TNR: variants seen among roughly 807,000 people sequenced by gnomAD.
The protein encoded by TNR is tenascin-R.
Under a neutral mutation model 150.4 loss-of-function variants are expected in TNR, and 45 were observed. That is an observed-to-expected ratio of 0.30 (90% CI 0.24 to 0.38). The LOEUF is 0.38. TNR is among the 10% of genes least tolerant of loss of function. The probability of loss-of-function intolerance (pLI) is 1.00; values close to 1 mark genes in which losing one functional copy is unlikely to be tolerated. For missense variants in TNR, 1,544 were observed against 1,759.1 expected (o/e 0.88, Z 2.19); for synonymous variants, 687 against 678.4 (o/e 1.01, Z -0.20).
intron 1 of TNR, among the ~76,000 whole-genome samples, chr1:175,632,253 T>G (rs1664349651): frequency 5.3e-5 from 8 of 152,320 alleles, no homozygotes; most frequent in Middle Eastern, 6.8e-3. Flanking sequence ...TTGGCAAATG[T>G]GATTCTTAGA....
chr1:175,694,713 G>A (rs962663002), intron 1 of TNR, among the ~76,000 whole-genome samples: 2 of 152,150 alleles, frequency 1.3e-5, no homozygotes, highest in African/African-American at 4.8e-5. Context: ...ACATTAGAAT[G>A]GGCCCTAATC....
At chr1:175,728,051 T>C (rs934358228) in intron 1 of TNR, among the ~76,000 whole-genome samples, 3 of 152,218 alleles carry the variant, frequency 2.0e-5, no homozygotes, top group African/African-American at 7.2e-5. Flanking sequence ...CAATGTATAG[T>C]TGTTCAGACA....
intron 21 of TNR, among the ~76,000 whole-genome samples, chr1:175,329,549 T>C (rs146159990): frequency 1.8e-4 from 28 of 152,322 alleles, no homozygotes; most frequent in African/African-American, 5.8e-4. Context: ...GGTGTTAGCA[T>C]GACCGCTGAT....
chr1:175,624,775 G>A (rs1295871871), intron 1 of TNR, among the ~76,000 whole-genome samples: 1 of 152,172 alleles, frequency 6.6e-6, no homozygotes, highest in Admixed American at 6.5e-5. Context: ...GGGAATGGTG[G>A]GCTCCTGGGG....
chr1:175,661,057 C>A (rs1194449210), intron 1 of TNR, among the ~76,000 whole-genome samples: 1 of 152,162 alleles, frequency 6.6e-6, no homozygotes, highest in Non-Finnish European at 1.5e-5. Context: ...TTGGGCGGTG[C>A]CCCCAAGTAA....
chr1:175,524,859 A>G (rs1277001001), intron 2 of TNR, among the ~76,000 whole-genome samples: 1 of 152,218 alleles, frequency 6.6e-6, no homozygotes, highest in African/African-American at 2.4e-5. Flanking sequence ...TATGGTCTTA[A>G]TGAAAGCCTT....
intron 1 of TNR, among the ~76,000 whole-genome samples, chr1:175,540,166 A>G (rs1374962686): frequency 6.6e-6 from 1 of 152,194 alleles, no homozygotes; most frequent in East Asian, 1.9e-4. Flanking sequence ...CAATTCCCTC[A>G]TCAACAAGTC....
At chr1:175,335,659 T>C in intron 20 of TNR, 52 bp downstream of exon 20, 1 of 1,546,328 alleles carries the variant, frequency 6.5e-7, no homozygotes, top group African/African-American at 1.4e-5. Flanking sequence ...AGGAGAGAGA[T>C]GGACAAAAAG....
chr1:175,363,603 A>C, intron 13 of TNR, 105 bp downstream of exon 13: 2 of 1,445,788 alleles, frequency 1.4e-6, no homozygotes, highest in Non-Finnish European at 1.9e-6. Context: ...GCCACAGAGA[A>C]GAGGAAAAAC....
At chr1:175,679,383 C>T (rs1204336805) in intron 1 of TNR, among the ~76,000 whole-genome samples, 1 of 152,226 alleles carries the variant, frequency 6.6e-6, no homozygotes, top group Non-Finnish European at 1.5e-5. Flanking sequence ...ACCATATTTA[C>T]TGAACACCTA....
At chr1:175,667,960 G>A (rs4650925) in intron 1 of TNR, among the ~76,000 whole-genome samples, 1,751 of 152,292 alleles carry the variant, frequency 0.011, 35 homozygotes, top group African/African-American at 0.037. Context: ...CCATGGGTTA[G>A]CACTGTTAGC....
rs80297495 is a variant in TNR, at chr1:175,582,454, G to A, written c.-164-54085C>T. ...GTAAAGACAGTTGCACCATCACACA[G>A]AGAAGAGGTAGGACCTTTTCTAGAC... On this transcript the variant is annotated intron_variant, in intron 1 of 22. Transcript: ENST00000367674. 6.6e-5 allele frequency among the ~76,000 whole-genome samples: 10 copies of A among 152,324 alleles called. No homozygotes were observed. In the East Asian group the frequency reaches 1.9e-3, roughly 29 times the overall value.
intron 2 of TNR, among the ~76,000 whole-genome samples, chr1:175,431,919 C>T (rs1163328698): frequency 6.6e-6 from 1 of 151,856 alleles, no homozygotes; most frequent in Non-Finnish European, 1.5e-5. Flanking sequence ...ATATCTCTCT[C>T]TCTCTCTCTC....
At chr1:175,371,928 C>G (rs556783931) in intron 9 of TNR, among the ~76,000 whole-genome samples, 3 of 152,098 alleles carry the variant, frequency 2.0e-5, no homozygotes, top group Non-Finnish European at 2.9e-5. Flanking sequence ...GGATGCTTGT[C>G]CCCTCCAAAT....
At chr1:175,559,397 T>C (rs946417668) in intron 1 of TNR, among the ~76,000 whole-genome samples, 2 of 152,186 alleles carry the variant, frequency 1.3e-5, no homozygotes, top group Non-Finnish European at 2.9e-5. Flanking sequence ...TGAAATAATA[T>C]GGACCTATAT....
intron 1 of TNR, among the ~76,000 whole-genome samples, chr1:175,739,985 GC>G (rs1233425915): frequency 6.6e-6 from 1 of 152,228 alleles, no homozygotes; most frequent in Admixed American, 6.5e-5. Flanking sequence ...GCAGTTGCCT[GC>G]AGGAGCTTCC....
At chr1:175,702,621 G>A (rs1162446170) in intron 1 of TNR, among the ~76,000 whole-genome samples, 1 of 152,236 alleles carries the variant, frequency 6.6e-6, no homozygotes, top group Non-Finnish European at 1.5e-5. Flanking sequence ...CAGCAGGTGT[G>A]TGTGTGTATA....
At chr1:175,667,674 G>A (rs557567980) in intron 1 of TNR, among the ~76,000 whole-genome samples, 62 of 152,346 alleles carry the variant, frequency 4.1e-4, no homozygotes, top group African/African-American at 1.5e-3. Context: ...AGCAGCTGAT[G>A]TGTGGGATGA....
intron 1 of TNR, among the ~76,000 whole-genome samples, chr1:175,537,372 C>A (rs1184369681): frequency 6.6e-5 from 10 of 152,188 alleles, no homozygotes; most frequent in African/African-American, 1.9e-4. Context: ...TTCTTCTCTC[C>A]TTTAAATGGC....
Sources: gnomAD v4.1 joint callset for allele counts (sites outside exome capture counted in the v4.1 genomes callset) on GRCh38, gnomAD v4.1.1 for gene constraint, MANE v1.5 for transcripts, NCBI Gene and HGNC (gene_info 2026-07-23, HGNC 2026-07-21) for gene names.